The following RRN3 variants were observed in gnomAD, a reference collection of about 807,000 sequenced individuals.
RRN3 encodes the protein RNA polymerase I transcription factor RRN3.
Under a neutral mutation model 82.3 loss-of-function variants are expected in RRN3, and 38 were observed. The ratio of observed to expected loss-of-function variants is 0.46; its 90% CI spans 0.36 to 0.61. RRN3 has a LOEUF of 0.61. RRN3 is among the 20% of genes least tolerant of loss of function. The pLI, the probability that RRN3 is intolerant of heterozygous loss-of-function variation, is 0.00. For missense variants in RRN3, 726 were observed against 793.1 expected, an observed-to-expected ratio of 0.92 and a Z score of 1.02; for synonymous variants, 284 against 284.3, an observed-to-expected ratio of 1.00 and a Z score of 0.01.
At position 15,061,696 on chromosome 16, in the gene RRN3, A is replaced by G; in HGVS notation, c.*48T>C. ...CAAGCTGGGTGCTGAGGGCATGACA[A>G]GTGATGGGGAATCCCAAATGTCACA... On this transcript the variant is annotated 3_prime_UTR_variant, in exon 18 of 18. Coordinates refer to ENST00000198767, the MANE Select transcript of RRN3 (RefSeq NM_018427.5). 1 of 1,569,390 alleles carries G rather than the reference A, an allele frequency of 6.4e-7. No individual in the cohort carries two copies. Among genetic ancestry groups the G allele is most frequent in the South Asian group, 1.1e-5 (1 of 88,354 alleles).
chr16:15,063,955 T>A (rs957271056), intron 16 of RRN3, among the ~76,000 whole-genome samples: 1 of 152,160 alleles, frequency 6.6e-6, no homozygotes, highest in Non-Finnish European at 1.5e-5. Context: ...TTTTTATATT[T>A]CTGTAGTAAT....
intron 17 of RRN3, among the ~76,000 whole-genome samples, chr16:15,062,440 C>G (rs2044751882): frequency 6.6e-6 from 1 of 152,062 alleles, no homozygotes; most frequent in African/African-American, 2.4e-5. Flanking sequence ...ACAAAAAAGC[C>G]ATCTTGAAGC....
intron 6 of RRN3, among the ~76,000 whole-genome samples, chr16:15,085,419 G>C (rs1391984896): frequency 6.6e-6 from 1 of 152,026 alleles, no homozygotes; most frequent in African/African-American, 2.4e-5. Flanking sequence ...CCAGGTAGCT[G>C]TGACTAAAGA....
chr16:15,072,941 C>G lies in RRN3; in HGVS notation c.1128+9G>C. 6.2e-7 allele frequency: 1 copy of G among 1,613,234 alleles called. No homozygotes were observed. The highest frequency in any genetic ancestry group is 8.5e-7 in the Non-Finnish European group (1 of 1,179,800). On this transcript the variant is annotated intron_variant, in intron 12 of 17. Coordinates refer to ENST00000198767, the MANE Select transcript of RRN3 (RefSeq NM_018427.5). ...AAGCTAAGATAATGTTAATCACATT[C>G]TTACTCACCAATTTGAAACTACAGA...
At chr16:15,094,317 T>A (rs1195722384), upstream of RRN3, 5 of 1,262,820 alleles carry the variant, frequency 4.0e-6, no homozygotes, top group Non-Finnish European at 5.6e-6. Flanking sequence ...AAGTTGCGCG[T>A]GCCAGCGCAA....
At chr16:15,081,958 GTCT>G (rs1277450383) in intron 8 of RRN3, among the ~76,000 whole-genome samples, 11 of 152,152 alleles carry the variant, frequency 7.2e-5, no homozygotes, top group African/African-American at 2.4e-4. Context: ...GTGTATGTTA[GTCT>G]TCTGTCCCGT....
chr16:15,083,078 TAA>T (rs997204545), intron 8 of RRN3, among the ~76,000 whole-genome samples: 46 of 152,324 alleles, frequency 3.0e-4, no homozygotes, highest in African/African-American at 1.1e-3. Context: ...GACGTCAGTT[TAA>T]AGTCTAGAAG....
chr16:15,085,697 G>C lies in RRN3; in HGVS notation c.474C>G (p.Pro158=). 3 of 1,612,976 alleles carry C rather than the reference G, an allele frequency of 1.9e-6. No individual in the cohort carries two copies. The highest frequency in any genetic ancestry group is 2.5e-6 in the Non-Finnish European group (3 of 1,179,766). ...CATCGCCTTCCTTAATGATCACTCG[G>C]GCTTTTGAGGGAAAAAGAAAATATG... The part of the protein sequence containing the change: ...LSMIASHFVP[P]RVIIKEGDVD... Residue 158 remains proline (P), a splice_region_variant and synonymous_variant, in exon 6 of 18, where the codon CCC becomes CCG. Transcript: ENST00000198767.
Position 15,065,124 on chromosome 16 carries a change from C to T in RRN3, c.1706+95G>A, listed in dbSNP as rs535501693. 177 of 1,284,244 alleles carry T rather than the reference C, an allele frequency of 1.4e-4. No individual in the cohort carries two copies. In the African/African-American group the frequency reaches 2.3e-3, roughly 17 times the overall value. 79.6% of individuals were successfully genotyped at this position (1,284,244 alleles called of 1,614,324 possible). On this transcript the variant is annotated intron_variant, in intron 16 of 17. Transcript: ENST00000198767. ...GAGCTTGCGGTAAGCCGAGATCACA[C>T]CACCGCACTCCAGCCTGGGCGACAG... is the stretch of plus-strand genomic sequence containing the variant.
intron 3 of RRN3, among the ~76,000 whole-genome samples, chr16:15,089,768 C>T (rs1484136554): frequency 7.7e-6 from 1 of 130,496 alleles, no homozygotes; most frequent in African/African-American, 2.9e-5. Flanking sequence ...CCACTGCACT[C>T]CAGCCTGGGC....
chr16:15,087,918 G>A (rs1433468541), intron 3 of RRN3, among the ~76,000 whole-genome samples: 6 of 152,080 alleles, frequency 3.9e-5, no homozygotes, highest in South Asian at 2.1e-4. Flanking sequence ...AGTTCGAGAT[G>A]AGCCTAACCA....
intron 9 of RRN3, among the ~76,000 whole-genome samples, chr16:15,079,010 C>G (rs568767500): frequency 6.6e-6 from 1 of 152,084 alleles, no homozygotes; most frequent in Non-Finnish European, 1.5e-5. Flanking sequence ...CAGAGTTTCA[C>G]CATGTTAGCC....
intron 3 of RRN3, among the ~76,000 whole-genome samples, chr16:15,088,713 T>C (rs2046002850): frequency 6.6e-6 from 1 of 152,086 alleles, no homozygotes; most frequent in Non-Finnish European, 1.5e-5. Context: ...GAAGGAAAAG[T>C]ATGTTTTCAG....
At chr16:15,084,556 A>G (rs2045838617) in intron 7 of RRN3, 86 bp downstream of exon 7, 7 of 945,810 alleles carry the variant, frequency 7.4e-6, no homozygotes, top group Non-Finnish European at 1.1e-5. Context: ...CTCAAGCTTT[A>G]ATACTATTAA....
rs142312843 is a variant in RRN3 at position 15,070,209 on chromosome 16, T to C, written c.1305A>G (p.Ile435Met). The C allele has an allele frequency of 6.9e-5, 111 of 1,606,026 alleles. No individual in the cohort carries two copies. In the African/African-American group the frequency reaches 1.3e-3, roughly 18 times the overall value. The change falls in exon 14 of 18, where the codon ATA (isoleucine) becomes ATG (methionine). Residue 435 changes from isoleucine to methionine, a missense_variant. Around this residue, in one of 4 missense-constraint regions of RRN3, gnomAD observed 81 missense variants for 156.4 expected, o/e 0.52. Coordinates refer to ENST00000198767, the MANE Select transcript of RRN3 (RefSeq NM_018427.5). ...TTCCCGAATCCTGGTTATTAAGGTATATGTGCAGCCAGTTAACCAAAAGAT... is the reference window on the plus strand; with the variant it reads ...TTCCCGAATCCTGGTTATTAAGGTACATGTGCAGCCAGTTAACCAAAAGAT... The part of the protein sequence containing the change: ...CLDLLVNWLH[I>M]YLNNQDSGTK...
chr16:15,068,082 A>G (rs1030560359), intron 15 of RRN3, 87 bp downstream of exon 15: 584 of 1,457,884 alleles, frequency 4.0e-4, no homozygotes, highest in Non-Finnish European at 5.3e-4. Flanking sequence ...TACTAATTTC[A>G]TAGAAATTTA....
At chr16:15,087,555 T>G (rs1327428684) in intron 3 of RRN3, among the ~76,000 whole-genome samples, 2 of 152,134 alleles carry the variant, frequency 1.3e-5, no homozygotes, top group East Asian at 3.8e-4. Context: ...CATATCCATG[T>G]GTCAAACTCC....
intron 16 of RRN3, 88 bp downstream of exon 16, chr16:15,065,131 A>G: frequency 1.5e-6 from 2 of 1,357,018 alleles, no homozygotes; most frequent in Admixed American, 2.1e-5. Flanking sequence ...ACACCACCGC[A>G]CTCCAGCCTG....
Position 15,061,858 on chromosome 16 carries a change from G to C in RRN3, c.1842C>G (p.Pro614=), listed in dbSNP as rs1185836539. ...EDDDFLKGEV[P]QNDTVIGITP... Reference sequence around the variant, plus strand: ...TGATCCCAATCACGGTATCATTCTGGGGCACTTCGCCTTTCAGAAAGTCAT... The same window carrying C: ...TGATCCCAATCACGGTATCATTCTGCGGCACTTCGCCTTTCAGAAAGTCAT... Residue 614 remains proline, a synonymous_variant, in exon 18 of 18, where the codon CCC becomes CCG. Coordinates refer to ENST00000198767, the MANE Select transcript of RRN3 (RefSeq NM_018427.5). The C allele has an allele frequency of 1.9e-6, 3 of 1,613,712 alleles. No individual in the cohort carries two copies. Among genetic ancestry groups the C allele is most frequent in the Non-Finnish European group, 1.7e-6 (2 of 1,179,626 alleles).
Sources: allele counts gnomAD v4.1 joint callset (sites outside exome capture counted in the v4.1 genomes callset), GRCh38; gene constraint gnomAD v4.1.1; regional missense constraint gnomAD v4.1.1; transcripts MANE v1.5; gene names NCBI Gene and HGNC (gene_info 2026-07-23, HGNC 2026-07-21).